Variants in ACTR1A observed in about 807,000 individuals in gnomAD.
ACTR1A encodes the protein actin related protein 1A.
A neutral mutation model predicts 50.7 loss-of-function variants in ACTR1A; 10 were observed. The ratio of observed to expected loss-of-function variants is 0.20; its 90% CI spans 0.12 to 0.33. The LOEUF (loss-of-function observed/expected upper bound fraction) is 0.33, where lower values mean the gene tolerates loss of function less well. Ranked by LOEUF, ACTR1A falls within the 10% of genes least tolerant of loss-of-function variation. The pLI is 1.00. For missense variants in ACTR1A, 253 were observed against 491.7 expected, an observed-to-expected ratio of 0.51 and a Z score of 4.59; for synonymous variants, 177 against 184.2, an observed-to-expected ratio of 0.96 and a Z score of 0.32.
chr10:102,492,855 T>C (rs1564650376), intron 1 of ACTR1A, among the ~76,000 whole-genome samples: 1 of 151,548 alleles, frequency 6.6e-6, no homozygotes, highest in Admixed American at 6.6e-5. Flanking sequence ...AATACAAAAA[T>C]TAGCCAGGTG....
intron 2 of ACTR1A, among the ~76,000 whole-genome samples, chr10:102,489,927 G>A (rs976287268): frequency 1.3e-5 from 2 of 151,880 alleles, no homozygotes; most frequent in Non-Finnish European, 2.9e-5. Context: ...CAGTCTCTCT[G>A]TCTTAGGAGG....
At chr10:102,487,861 G>C (rs1028096928) in intron 4 of ACTR1A, among the ~76,000 whole-genome samples, 2 of 152,020 alleles carry the variant, frequency 1.3e-5, no homozygotes, top group Non-Finnish European at 2.9e-5. Flanking sequence ...TCGATCTCCT[G>C]ACCTCGTGAT....
At position 102,488,237 on chromosome 10, in the gene ACTR1A, C is replaced by T. The variant is rs1281068451; in HGVS notation, c.228G>A (p.Glu76=). ...CGTTCCAATCCTTGACGATGCCATG[C>T]TCCATGGGATAGCGGATTGAAAGCA... ...RGLLSIRYPM[E]HGIVKDWNDM... is the part of the protein sequence containing the mutation. Residue 76 remains glutamate (E), a synonymous_variant, in exon 4 of 11, where the codon GAG becomes GAA. Coordinates refer to ENST00000369905, the MANE Select transcript of ACTR1A (RefSeq NM_005736.4). This position sits in a 1 kb window ranked among gnomAD's most constrained non-coding sequence, Gnocchi z 4.4. The T allele has an allele frequency of 6.2e-7, 1 of 1,613,968 alleles. No homozygotes were observed. Among genetic ancestry groups the T allele is most frequent in the African/African-American group, 1.3e-5 (1 of 74,928 alleles).
At position 102,482,096 on chromosome 10, in the gene ACTR1A, T is replaced by A; in HGVS notation, c.830A>T (p.Glu277Val). The change falls in exon 8 of 11, where the codon GAG (glutamate) becomes GTG (valine). Residue 277 changes from glutamate to valine, a missense_variant. Physicochemically the swap from Glu to Val is moderately radical, Grantham distance 121. Coordinates refer to ENST00000369905, the MANE Select transcript of ACTR1A (RefSeq NM_005736.4). This position sits in a 1 kb window ranked among gnomAD's most constrained non-coding sequence, Gnocchi z 5.6. The stretch of plus-strand genomic sequence containing the variant: ...CTTCTGAATGGCGAACACCAGGACC[T>A]CGTGGATGCCTTCACTCTCCTCTCC... ...LIGEESEGIHEVLVFAIQKSD... is the reference protein window; with the variant it reads ...LIGEESEGIHVVLVFAIQKSD... The A allele has an allele frequency of 3.7e-6, 6 of 1,614,146 alleles. No homozygotes were observed. The highest frequency in any genetic ancestry group is 5.1e-6 in the Non-Finnish European group (6 of 1,180,034).
intron 1 of ACTR1A, among the ~76,000 whole-genome samples, chr10:102,495,095 G>A (rs1421793702): frequency 6.6e-6 from 1 of 151,970 alleles, no homozygotes; most frequent in Admixed American, 6.6e-5. Flanking sequence ...ACAGGCATGT[G>A]CCACCACACC....
At chr10:102,485,868 C>T in intron 4 of ACTR1A, 135 bp from the exon 5 acceptor site, 2 of 1,265,158 alleles carry the variant, frequency 1.6e-6, no homozygotes, top group Non-Finnish European at 2.2e-6. Context: ...AAAAGGCAAG[C>T]TGTGCCTGTC....
intron 1 of ACTR1A, among the ~76,000 whole-genome samples, chr10:102,497,568 T>C (rs143874302): frequency 5.3e-5 from 8 of 151,694 alleles, no homozygotes; most frequent in African/African-American, 4.8e-5. Flanking sequence ...ATCTGGGTGA[T>C]AGAGTGAGAC....
chr10:102,489,018 G>A lies in ACTR1A; in HGVS notation c.189+45C>T. The A allele has an allele frequency of 3.5e-6, 5 of 1,408,932 alleles. No individual in the cohort carries two copies. In the African/African-American group the frequency reaches 5.9e-5, roughly 17 times the overall value. 87.3% of individuals were successfully genotyped at this position (1,408,932 alleles called of 1,614,324 possible). On this transcript the variant is annotated intron_variant, in intron 3 of 10. Transcript: ENST00000369905. ...CATGTTCCATGTGGTGAATAATGAA[G>A]GTCCTCTGCTGGCTTAAGGCTTGTT...
Position 102,479,530 on chromosome 10 carries a change from C to A in ACTR1A, c.*1333G>T. 1 of 1,065,482 alleles carries A rather than the reference C, an allele frequency of 9.4e-7. No individual in the cohort carries two copies. The highest frequency in any genetic ancestry group is 1.4e-5 in the South Asian group (1 of 73,772). 66.0% of individuals were successfully genotyped at this position (1,065,482 alleles called of 1,614,324 possible). On this transcript the variant is annotated 3_prime_UTR_variant, in exon 11 of 11. Transcript: ENST00000369905. The surrounding 1 kb of genome is among the most constrained non-coding windows in gnomAD (Gnocchi z 4.0). ...TGAAGACAGGCTGGCCCCAGCTTTG[C>A]ACCATCTAGGCTGAAGGCCTTTGGA... is the stretch of plus-strand genomic sequence containing the variant.
intron 1 of ACTR1A, among the ~76,000 whole-genome samples, chr10:102,494,195 G>A (rs549773427): frequency 3.3e-5 from 5 of 152,356 alleles, no homozygotes; most frequent in African/African-American, 1.2e-4. Flanking sequence ...GCCTGGTAGA[G>A]GCTTCTTGAG....
intron 1 of ACTR1A, among the ~76,000 whole-genome samples, chr10:102,497,753 A>G (rs1331573182): frequency 1.3e-5 from 2 of 151,940 alleles, no homozygotes; most frequent in Non-Finnish European, 2.9e-5. Flanking sequence ...AAGGAGGACA[A>G]TTTTATGATG....
intron 1 of ACTR1A, among the ~76,000 whole-genome samples, chr10:102,493,232 A>C (rs1192265818): frequency 6.6e-6 from 1 of 152,154 alleles, no homozygotes; most frequent in Non-Finnish European, 1.5e-5. Context: ...TTTGCCTACA[A>C]ACCCAAGGGC....
chr10:102,489,728 C>T (rs1464323544), intron 2 of ACTR1A, among the ~76,000 whole-genome samples: 2 of 152,092 alleles, frequency 1.3e-5, no homozygotes, highest in African/African-American at 2.4e-5. Flanking sequence ...GCACGAGAAT[C>T]GCTTGAACCT....
At chr10:102,495,259 A>G (rs1220234951) in intron 1 of ACTR1A, among the ~76,000 whole-genome samples, 1 of 152,102 alleles carries the variant, frequency 6.6e-6, no homozygotes, top group African/African-American at 2.4e-5. Context: ...CCTCTGCCTC[A>G]AAAAATATAT....
chr10:102,499,572 G>T (rs997123202), intron 1 of ACTR1A, among the ~76,000 whole-genome samples: 7 of 152,166 alleles, frequency 4.6e-5, no homozygotes, highest in African/African-American at 1.7e-4. Flanking sequence ...AAATTAAGAC[G>T]CATTAGTGTA....
chr10:102,486,482 G>T (rs2062168685), intron 4 of ACTR1A, among the ~76,000 whole-genome samples: 1 of 152,108 alleles, frequency 6.6e-6, no homozygotes, highest in Non-Finnish European at 1.5e-5. Context: ...CTGAGGTCGG[G>T]AGTTCGAGAC....
At chr10:102,484,055 C>T (rs2062155295) in intron 6 of ACTR1A, 105 bp downstream of exon 6, 1 of 1,076,132 alleles carries the variant, frequency 9.3e-7, no homozygotes, top group East Asian at 2.4e-5. Flanking sequence ...TCACCAGGGA[C>T]CCCCAGGCAG....
At chr10:102,490,423 C>A in intron 2 of ACTR1A, 126 bp downstream of exon 2, 4 of 607,900 alleles carry the variant, frequency 6.6e-6, no homozygotes, top group Non-Finnish European at 1.1e-5. Context: ...CTGTGCCTCT[C>A]AAATTGTACC....
intron 5 of ACTR1A, among the ~76,000 whole-genome samples, chr10:102,485,078 C>CTCACAGTTTGTTAA (rs1455940163): frequency 6.6e-6 from 1 of 152,236 alleles, no homozygotes; most frequent in Non-Finnish European, 1.5e-5. Flanking sequence ...TAAATGCTGG[C>CTCACAGTTTGTTAA]TCACAGTTTG....
Sources: gnomAD v4.1 joint callset for allele counts (sites outside exome capture counted in the v4.1 genomes callset) on GRCh38, gnomAD v4.1.1 for gene constraint, Gnocchi (gnomAD v3.1) non-coding constraint, MANE v1.5 for transcripts, NCBI Gene and HGNC (gene_info 2026-07-23, HGNC 2026-07-21) for gene names.